Variants in GHR observed in about 807,000 individuals in gnomAD.
The protein encoded by GHR is growth hormone receptor.
GHR carries 35 observed loss-of-function variants against 67.1 expected under a neutral mutation model. The ratio of observed to expected loss-of-function variants is 0.52; its 90% confidence interval spans 0.40 to 0.69. The LOEUF (loss-of-function observed/expected upper bound fraction) is 0.69, where lower values mean the gene tolerates loss of function less well. GHR is among the 30% of genes least tolerant of loss of function. GHR has a pLI of 0.00. For synonymous variants in GHR, 272 were observed against 269.1 expected (o/e 1.01, Z -0.10); for missense variants, 792 against 764.6 (o/e 1.04, Z -0.42).
intron 3 of GHR, among the ~76,000 whole-genome samples, chr5:42,664,299 CAA>C (rs1371225361): frequency 6.6e-6 from 1 of 152,100 alleles, no homozygotes; most frequent in Non-Finnish European, 1.5e-5. Context: ...AATCCTAAGC[CAA>C]AAGAGCAAAG....
chr5:42,609,148 A>G (rs1752768061), intron 2 of GHR, among the ~76,000 whole-genome samples: 1 of 152,146 alleles, frequency 6.6e-6, no homozygotes, highest in Non-Finnish European at 1.5e-5. Context: ...AGAAAAGGGT[A>G]CTAGCTCCCA....
chr5:42,542,564 C>T (rs994648091), intron 1 of GHR, among the ~76,000 whole-genome samples: 5 of 152,084 alleles, frequency 3.3e-5, no homozygotes, highest in African/African-American at 1.2e-4. Context: ...AATTTTAGTG[C>T]ACACTTAAGG....
At chr5:42,553,777 G>A (rs12153009) in intron 1 of GHR, among the ~76,000 whole-genome samples, 33,001 of 152,104 alleles carry the variant, frequency 0.22, 4,486 homozygotes, top group Non-Finnish European at 0.29. Context: ...AAATATTGTC[G>A]TTGAGTGATC....
chr5:42,594,361 G>C (rs1359496444), intron 2 of GHR, among the ~76,000 whole-genome samples: 4 of 152,196 alleles, frequency 2.6e-5, no homozygotes, highest in Non-Finnish European at 5.9e-5. Context: ...CATGGTCACT[G>C]TCACTTCAAC....
At chr5:42,664,965 A>G (rs2112879552) in intron 3 of GHR, among the ~76,000 whole-genome samples, 1 of 152,386 alleles carries the variant, frequency 6.6e-6, no homozygotes, top group East Asian at 1.9e-4. Context: ...AAAAGAAGAC[A>G]TTTATGCAGC....
chr5:42,490,743 A>T (rs968834334), intron 1 of GHR, among the ~76,000 whole-genome samples: 1 of 152,240 alleles, frequency 6.6e-6, no homozygotes, highest in African/African-American at 2.4e-5. Context: ...AATAAGCCAC[A>T]AGTATGTGTG....
intron 1 of GHR, among the ~76,000 whole-genome samples, chr5:42,541,562 C>G (rs924424878): frequency 1.3e-5 from 2 of 150,788 alleles, no homozygotes; most frequent in Non-Finnish European, 3.0e-5. Flanking sequence ...ATGACAGTGT[C>G]CTGGAAAAAA....
intron 3 of GHR, among the ~76,000 whole-genome samples, chr5:42,648,137 C>A (rs1754837213): frequency 6.6e-6 from 1 of 152,176 alleles, no homozygotes; most frequent in African/African-American, 2.4e-5. Flanking sequence ...CCATGTACCT[C>A]TTGAAGCCTG....
intron 1 of GHR, among the ~76,000 whole-genome samples, chr5:42,474,537 C>T (rs1167827693): frequency 1.3e-5 from 2 of 151,986 alleles, no homozygotes; most frequent in Non-Finnish European, 2.9e-5. Context: ...GGTCTTTGGC[C>T]AGTTATTTCT....
At chr5:42,715,307 A>G (rs1458631146) in intron 8 of GHR, among the ~76,000 whole-genome samples, 1 of 152,258 alleles carries the variant, frequency 6.6e-6, no homozygotes, top group African/African-American at 2.4e-5. Context: ...GCAAGTATGG[A>G]CAGAACATGT....
intron 3 of GHR, among the ~76,000 whole-genome samples, chr5:42,681,442 A>T (rs1317717643): frequency 6.6e-6 from 1 of 152,192 alleles, no homozygotes; most frequent in Admixed American, 6.5e-5. Flanking sequence ...GGCGATCGTT[A>T]AAAAGTCAGG....
chr5:42,454,338 C>A (rs1042458172), intron 1 of GHR, among the ~76,000 whole-genome samples: 1 of 152,170 alleles, frequency 6.6e-6, no homozygotes, highest in Non-Finnish European at 1.5e-5. Context: ...CAGGATGTTG[C>A]AGGCAGTGAT....
intron 1 of GHR, among the ~76,000 whole-genome samples, chr5:42,492,595 A>C (rs527348243): frequency 3.3e-5 from 5 of 152,320 alleles, no homozygotes; most frequent in Admixed American, 2.0e-4. Context: ...AAGAAAGAGT[A>C]ATTTTTAAAA....
At chr5:42,687,331 A>G in intron 3 of GHR, among the ~76,000 whole-genome samples, 1 of 152,262 alleles carries the variant, frequency 6.6e-6, no homozygotes, top group East Asian at 1.9e-4. Context: ...TTTAGATTTC[A>G]TATGGAACCA....
At chr5:42,596,778 T>C (rs1192485566) in intron 2 of GHR, among the ~76,000 whole-genome samples, 1 of 152,168 alleles carries the variant, frequency 6.6e-6, no homozygotes, top group Non-Finnish European at 1.5e-5. Flanking sequence ...TCCAAAGCAC[T>C]TAGCAGGAAG....
chr5:42,620,619 T>C (rs971842319), intron 2 of GHR, among the ~76,000 whole-genome samples: 3 of 152,200 alleles, frequency 2.0e-5, no homozygotes, highest in Admixed American at 6.5e-5. Context: ...TGGATGGTTC[T>C]ACACAGGACT....
At chr5:42,526,484 A>G (rs1007580543) in intron 1 of GHR, among the ~76,000 whole-genome samples, 2 of 152,240 alleles carry the variant, frequency 1.3e-5, no homozygotes, top group African/African-American at 4.8e-5. Flanking sequence ...AAGATCAGTG[A>G]TGAAGATTAC....
chr5:42,696,138 C>T (rs1393662150), intron 5 of GHR, among the ~76,000 whole-genome samples: 2 of 152,198 alleles, frequency 1.3e-5, no homozygotes, highest in Admixed American at 6.5e-5. Context: ...TGGGTTAAAA[C>T]CCATGTTCTA....
At chr5:42,701,084 C>T (rs1055540004) in intron 6 of GHR, among the ~76,000 whole-genome samples, 1 of 152,144 alleles carries the variant, frequency 6.6e-6, no homozygotes, top group Non-Finnish European at 1.5e-5. Flanking sequence ...AAGTGGGAGC[C>T]ACAGACCCTT....
Sources: allele counts gnomAD v4.1 joint callset (sites outside exome capture counted in the v4.1 genomes callset), GRCh38; gene constraint gnomAD v4.1.1; transcripts MANE v1.5; gene names NCBI Gene and HGNC (gene_info 2026-07-23, HGNC 2026-07-21).